The following DPP10 variants were observed in gnomAD, a reference collection of about 807,000 sequenced individuals.
The protein encoded by DPP10 is dipeptidyl peptidase like 10, also known as inactive dipeptidyl peptidase 10.
A neutral mutation model predicts 120.9 loss-of-function variants in DPP10; 33 were observed. The ratio of observed to expected loss-of-function variants is 0.27; its 90% CI spans 0.21 to 0.37. The LOEUF (loss-of-function observed/expected upper bound fraction) is 0.37, where lower values mean the gene tolerates loss of function less well. DPP10 is among the 10% of genes least tolerant of loss of function. DPP10 has a pLI of 1.00. For synonymous variants in DPP10, 337 were observed against 326.1 expected (o/e 1.03, Z -0.36); for missense variants, 816 against 942.8 (o/e 0.87, Z 1.76).
At position 115,659,579 on chromosome 2, in the gene DPP10, T is replaced by A. The variant is rs1045209291; in HGVS notation, c.442-30108T>A. ...ATTTAGCCACAAATCAGTGATTTAA[T>A]TTAGCTACTCTTTTCCAAATGACTA... On this transcript the variant is annotated intron_variant, in intron 5 of 25. Coordinates refer to ENST00000410059, the MANE Select transcript of DPP10 (RefSeq NM_020868.6). Among the ~76,000 whole-genome samples, 3 of 152,312 alleles carry A rather than the reference T, an allele frequency of 2.0e-5. No individual in the cohort carries two copies. In the East Asian group the frequency reaches 5.8e-4, roughly 29 times the overall value.
At chr2:115,105,944 A>G (rs1161010269) in intron 1 of DPP10, among the ~76,000 whole-genome samples, 1 of 152,244 alleles carries the variant, frequency 6.6e-6, no homozygotes, top group East Asian at 1.9e-4. Context: ...CCTAATGGCA[A>G]CACAAACCTT....
chr2:115,556,591 T>C (rs1251396882), intron 5 of DPP10, among the ~76,000 whole-genome samples: 1 of 152,068 alleles, frequency 6.6e-6, no homozygotes, highest in Non-Finnish European at 1.5e-5. Flanking sequence ...TGCTATTAGA[T>C]TTTCTCTGTG....
intron 7 of DPP10, among the ~76,000 whole-genome samples, chr2:115,690,567 C>A (rs1327559785): frequency 6.6e-6 from 1 of 151,980 alleles, no homozygotes; most frequent in African/African-American, 2.4e-5. Context: ...CACATGCTAC[C>A]AGGTCTGGCT....
intron 3 of DPP10, among the ~76,000 whole-genome samples, chr2:115,408,394 C>T (rs1372221767): frequency 6.6e-6 from 1 of 152,112 alleles, no homozygotes; most frequent in Admixed American, 6.6e-5. Context: ...TTTCAGCCTT[C>T]AGGCTGTTTT....
At chr2:114,625,606 T>C (rs1435687530) in intron 1 of DPP10, among the ~76,000 whole-genome samples, 1 of 151,998 alleles carries the variant, frequency 6.6e-6, no homozygotes, top group African/African-American at 2.4e-5. Context: ...TTATAAGCTT[T>C]TAAAATCGTA....
intron 10 of DPP10, among the ~76,000 whole-genome samples, chr2:115,749,801 G>A (rs567166723): frequency 6.6e-6 from 1 of 152,288 alleles, no homozygotes; most frequent in South Asian, 2.1e-4. Context: ...TAAACACAGA[G>A]CAATGATTGG....
At chr2:114,649,815 A>T (rs1385898941) in intron 1 of DPP10, among the ~76,000 whole-genome samples, 1 of 138,312 alleles carries the variant, frequency 7.2e-6, no homozygotes, top group East Asian at 2.0e-4. Context: ...TTTATTTAGT[A>T]GTTTTTTTTT....
At chr2:115,647,365 T>C (rs2087352928) in intron 5 of DPP10, among the ~76,000 whole-genome samples, 1 of 152,134 alleles carries the variant, frequency 6.6e-6, no homozygotes, top group Non-Finnish European at 1.5e-5. Context: ...AGCTCTACGA[T>C]GATTATACTC....
At chr2:114,474,754 A>G (rs984982546) in intron 1 of DPP10, among the ~76,000 whole-genome samples, 2 of 152,240 alleles carry the variant, frequency 1.3e-5, no homozygotes, top group Admixed American at 6.5e-5. Context: ...AAACACACCC[A>G]TTACTGAGTA....
chr2:115,508,215 C>A (rs2077048518), intron 4 of DPP10, among the ~76,000 whole-genome samples: 2 of 152,020 alleles, frequency 1.3e-5, no homozygotes, highest in Non-Finnish European at 2.9e-5. Flanking sequence ...CATAGACATG[C>A]AATCCATTGT....
At chr2:115,379,970 C>T (rs4848387) in intron 3 of DPP10, among the ~76,000 whole-genome samples, 98,223 of 151,946 alleles carry the variant, frequency 0.65, 32,353 homozygotes, top group Admixed American at 0.74. Context: ...GCTTTACTTC[C>T]AAGTATGTGG....
At chr2:114,887,416 G>A (rs1447945423) in intron 1 of DPP10, among the ~76,000 whole-genome samples, 1 of 152,180 alleles carries the variant, frequency 6.6e-6, no homozygotes, top group African/African-American at 2.4e-5. Context: ...TCCTTTGGCT[G>A]TAAATATAGA....
chr2:114,899,363 G>A (rs1336142949), intron 1 of DPP10, among the ~76,000 whole-genome samples: 1 of 151,688 alleles, frequency 6.6e-6, no homozygotes, highest in Non-Finnish European at 1.5e-5. Flanking sequence ...ATTAACAGTT[G>A]GATACTAAAT....
chr2:114,494,349 T>C (rs1682307300), intron 1 of DPP10, among the ~76,000 whole-genome samples: 1 of 152,164 alleles, frequency 6.6e-6, no homozygotes, highest in Admixed American at 6.6e-5. Context: ...CAGAGCCTTT[T>C]ACATAGGGAG....
intron 1 of DPP10, among the ~76,000 whole-genome samples, chr2:115,300,403 T>A (rs2061073381): frequency 1.3e-5 from 2 of 152,016 alleles, no homozygotes; most frequent in South Asian, 4.1e-4. Context: ...CTGTCGGGAT[T>A]TCCTTCATTT....
intron 3 of DPP10, among the ~76,000 whole-genome samples, chr2:115,455,219 A>G (rs965252817): frequency 2.6e-5 from 4 of 151,964 alleles, no homozygotes; most frequent in African/African-American, 9.7e-5. Flanking sequence ...TACTGTGAAG[A>G]TGGCAATTCT....
intron 1 of DPP10, among the ~76,000 whole-genome samples, chr2:115,219,174 C>G (rs2057000193): frequency 6.6e-6 from 1 of 152,002 alleles, no homozygotes; most frequent in Admixed American, 6.6e-5. Flanking sequence ...TTTTTCATCC[C>G]AAGATGGTAA....
At chr2:115,342,624 A>G (rs191000278) in intron 2 of DPP10, among the ~76,000 whole-genome samples, 142 of 152,270 alleles carry the variant, frequency 9.3e-4, no homozygotes, top group African/African-American at 3.2e-3. Context: ...TTTTTTAATG[A>G]AACTAGAAAA....
intron 5 of DPP10, among the ~76,000 whole-genome samples, chr2:115,537,788 C>G (rs945621598): frequency 3.9e-5 from 6 of 151,908 alleles, no homozygotes; most frequent in Non-Finnish European, 7.4e-5. Flanking sequence ...CTGTACATTT[C>G]CCACTCGAAG....
Sources: gnomAD v4.1 joint callset for allele counts (sites outside exome capture counted in the v4.1 genomes callset) on GRCh38, gnomAD v4.1.1 for gene constraint, MANE v1.5 for transcripts, NCBI Gene and HGNC (gene_info 2026-07-23, HGNC 2026-07-21) for gene names.